The following ARHGAP15 variants were observed in gnomAD, a reference collection of about 807,000 sequenced individuals.
ARHGAP15 encodes Rho GTPase activating protein 15.
In ARHGAP15, 51 loss-of-function variants were observed where a neutral mutation model predicts 63.7. That is an observed-to-expected ratio of 0.80 (90% CI 0.64 to 1.01). The LOEUF (loss-of-function observed/expected upper bound fraction) is 1.01, where lower values mean the gene tolerates loss of function less well. ARHGAP15 is among the 50% of genes least tolerant of loss of function. ARHGAP15 has a pLI of 0.00. For synonymous variants in ARHGAP15, 191 were observed against 193.8 expected, an observed-to-expected ratio of 0.99 and a Z score of 0.12; for missense variants, 560 against 564.6, an observed-to-expected ratio of 0.99 and a Z score of 0.08.
chr2:143,673,347 G>C (rs1682628539), intron 12 of ARHGAP15, among the ~76,000 whole-genome samples: 1 of 152,124 alleles, frequency 6.6e-6, no homozygotes, highest in African/African-American at 2.4e-5. Context: ...ACCCAGGCTA[G>C]AGTGCAGTAG....
intron 12 of ARHGAP15, among the ~76,000 whole-genome samples, chr2:143,662,032 T>G (rs1472353207): frequency 2.0e-5 from 3 of 152,118 alleles, no homozygotes; most frequent in Non-Finnish European, 2.9e-5. Flanking sequence ...TAGGTAAACA[T>G]AGCAGCCGGG....
chr2:143,330,120 AAAAAAAAAAAAC>A lies in ARHGAP15; in HGVS notation c.474+79521_474+79532del, dbSNP rs1558897916. Among the ~76,000 whole-genome samples the A allele has an allele frequency of 1.2e-3, 104 of 88,406 alleles. 9 individuals carry two copies. Among genetic ancestry groups the A allele is most frequent in the African/African-American group, 4.0e-3 (91 of 22,470 alleles). 58.0% of individuals were successfully genotyped at this position (88,406 alleles called of 152,430 possible). A position where few individuals can be genotyped will look rare whatever the true frequency, so the allele number is the denominator to read the frequency against. The stretch of plus-strand genomic sequence containing the variant: ...AAAAAAAAAAAAAAAAAAAAAAAAA[AAAAAAAAAAAAC>A]CAAAAACAAAAAACTAAACTAATGA... On this transcript the variant is annotated intron_variant, in intron 6 of 13. Transcript: ENST00000295095.
At chr2:143,542,838 G>A (rs867670640) in intron 10 of ARHGAP15, among the ~76,000 whole-genome samples, 23 of 97,760 alleles carry the variant, frequency 2.4e-4, no homozygotes, top group Non-Finnish European at 3.1e-4. Flanking sequence ...CACATATATA[G>A]TATATATGAT....
chr2:143,443,349 G>T (rs576350153), intron 8 of ARHGAP15, among the ~76,000 whole-genome samples: 2 of 151,844 alleles, frequency 1.3e-5, no homozygotes. Context: ...CAAAAAAGTC[G>T]TGACATTTTT....
intron 6 of ARHGAP15, among the ~76,000 whole-genome samples, chr2:143,271,698 G>C (rs999426182): frequency 1.3e-5 from 2 of 152,072 alleles, no homozygotes; most frequent in African/African-American, 4.8e-5. Context: ...GGATAGTCTC[G>C]CGCTCCTGAC....
At position 143,693,785 on chromosome 2, in the gene ARHGAP15, A is replaced by T. The variant is rs546830535; in HGVS notation, c.1139-9634A>T. On this transcript the variant is annotated intron_variant, in intron 12 of 13. Coordinates refer to ENST00000295095, the MANE Select transcript of ARHGAP15 (RefSeq NM_018460.4). ...ATTTGTTGGAGGAATCTTCTACTCCATTATAACTTACTAACAGTCTGAAAG... is the reference window on the plus strand; with the variant it reads ...ATTTGTTGGAGGAATCTTCTACTCCTTTATAACTTACTAACAGTCTGAAAG... Among the ~76,000 whole-genome samples the T allele has an allele frequency of 3.9e-5, 6 of 152,338 alleles. No individual in the cohort carries two copies. In the South Asian group the frequency reaches 1.2e-3, roughly 32 times the overall value.
At chr2:143,230,833 C>T (rs1219041981) in intron 5 of ARHGAP15, among the ~76,000 whole-genome samples, 1 of 152,168 alleles carries the variant, frequency 6.6e-6, no homozygotes, top group African/African-American at 2.4e-5. Flanking sequence ...TTCTGAATTT[C>T]TCTTGCACCC....
chr2:143,241,175 A>G (rs974258092), intron 5 of ARHGAP15, among the ~76,000 whole-genome samples: 3 of 152,198 alleles, frequency 2.0e-5, no homozygotes, highest in Non-Finnish European at 2.9e-5. Context: ...AAAATTCACT[A>G]CTAAATTGAA....
intron 8 of ARHGAP15, among the ~76,000 whole-genome samples, chr2:143,470,999 T>A (rs1691518896): frequency 1.0e-5 from 1 of 99,134 alleles, no homozygotes; most frequent in Non-Finnish European, 2.6e-5. Context: ...TATACATGTG[T>A]GTATAGATAA....
chr2:143,704,204 A>G (rs1684222859), intron 13 of ARHGAP15, among the ~76,000 whole-genome samples: 1 of 152,184 alleles, frequency 6.6e-6, no homozygotes, highest in Non-Finnish European at 1.5e-5. Context: ...TTTGGATTCT[A>G]TTCTAAATTC....
At chr2:143,383,902 G>C (rs1462699055) in intron 6 of ARHGAP15, among the ~76,000 whole-genome samples, 1 of 152,104 alleles carries the variant, frequency 6.6e-6, no homozygotes, top group Non-Finnish European at 1.5e-5. Context: ...TGGGGTCTTA[G>C]AGTCTATGAT....
At chr2:143,387,538 A>G (rs1385746750) in intron 6 of ARHGAP15, among the ~76,000 whole-genome samples, 1 of 152,214 alleles carries the variant, frequency 6.6e-6, no homozygotes, top group Non-Finnish European at 1.5e-5. Context: ...ACAGATTCAC[A>G]AAATGAATTG....
intron 5 of ARHGAP15, among the ~76,000 whole-genome samples, chr2:143,241,664 C>T (rs1026249957): frequency 3.9e-5 from 6 of 152,190 alleles, no homozygotes; most frequent in Non-Finnish European, 8.8e-5. Flanking sequence ...CCAATGACAA[C>T]ACAAGGCACT....
chr2:143,199,261 CA>C (rs1692008245), intron 2 of ARHGAP15, among the ~76,000 whole-genome samples: 1 of 152,036 alleles, frequency 6.6e-6, no homozygotes, highest in South Asian at 2.1e-4. Context: ...GTTAATTGAG[CA>C]TCAACTATGG....
intron 11 of ARHGAP15, among the ~76,000 whole-genome samples, chr2:143,561,542 C>T (rs147283845): frequency 1.3e-5 from 2 of 148,464 alleles, no homozygotes; most frequent in Non-Finnish European, 3.0e-5. Flanking sequence ...GACGGAGTCT[C>T]GGTCGGTCTG....
rs552579980 is a variant in ARHGAP15, at chr2:143,214,981, C to T, written c.235-1403C>T. On this transcript the variant is annotated intron_variant, in intron 3 of 13. Transcript: ENST00000295095. The stretch of plus-strand genomic sequence containing the variant: ...AAACATTTAAATAGCCATTCATTTA[C>T]TTATTTGTTCAAACAGTTTTATTAT... Among the ~76,000 whole-genome samples the T allele has an allele frequency of 1.0e-3, 152 of 152,288 alleles. 2 individuals carry two copies. Among genetic ancestry groups the T allele is most frequent in the Non-Finnish European group, 1.8e-3 (122 of 68,028 alleles).
At chr2:143,556,322 T>A in intron 10 of ARHGAP15, 86 bp from the exon 11 acceptor site, 1 of 1,032,718 alleles carries the variant, frequency 9.7e-7, no homozygotes, top group African/African-American at 1.6e-5. Flanking sequence ...AATAGATATT[T>A]GATTTACTCC....
intron 12 of ARHGAP15, among the ~76,000 whole-genome samples, chr2:143,687,849 C>T (rs1324843498): frequency 2.0e-5 from 3 of 152,152 alleles, no homozygotes; most frequent in East Asian, 1.9e-4. Context: ...ATTATTTAAG[C>T]ATAACTTATC....
intron 6 of ARHGAP15, among the ~76,000 whole-genome samples, chr2:143,396,593 T>C (rs1409052018): frequency 6.8e-6 from 1 of 146,720 alleles, no homozygotes; most frequent in South Asian, 2.2e-4. Context: ...CATATAAATA[T>C]TCCAAAGAAA....
Sources: gnomAD v4.1 joint callset for allele counts (sites outside exome capture counted in the v4.1 genomes callset) on GRCh38, gnomAD v4.1.1 for gene constraint, MANE v1.5 for transcripts, NCBI Gene and HGNC (gene_info 2026-07-23, HGNC 2026-07-21) for gene names.